The following RAB27A variants were observed in gnomAD, a reference collection of about 807,000 sequenced individuals.
The protein encoded by RAB27A is ras-related protein Rab-27A.
RAB27A carries 17 observed loss-of-function variants against 20.8 expected under a neutral mutation model. The observed-to-expected ratio is 0.82, with a 90% CI of 0.56 to 1.23. The LOEUF is 1.23. RAB27A is among the 50% of genes most tolerant of loss of function. RAB27A has a pLI of 0.00. For missense variants in RAB27A, 277 were observed against 266.7 expected (o/e 1.04, Z -0.27); for synonymous variants, 85 against 92.8 (o/e 0.92, Z 0.48).
intron 2 of RAB27A, among the ~76,000 whole-genome samples, chr15:55,243,610 C>T (rs1485177197): frequency 4.0e-5 from 6 of 150,974 alleles, no homozygotes; most frequent in Non-Finnish European, 8.8e-5. Flanking sequence ...CTGGGCGACA[C>T]AGCGAGACTC....
At chr15:55,207,734 G>C (rs997471556) in intron 6 of RAB27A, among the ~76,000 whole-genome samples, 1 of 152,036 alleles carries the variant, frequency 6.6e-6, no homozygotes, top group African/African-American at 2.4e-5. Flanking sequence ...CCAGGCTGGA[G>C]TGTAATGGTG....
rs1896184180 is a variant in RAB27A, at chr15:55,234,771, A to G, written c.153+11T>C. 5.0e-6 allele frequency: 8 copies of G among 1,604,178 alleles called. No individual in the cohort carries two copies. Among genetic ancestry groups the G allele is most frequent in the African/African-American group, 1.3e-5 (1 of 74,674 alleles). ...CGATTACATTTTTACATAGAAGGAT[A>G]TAGAACTTACCACTCTTTTTTCCCT... On this transcript the variant is annotated intron_variant, in intron 3 of 6. Coordinates refer to ENST00000336787, the MANE Select transcript of RAB27A (RefSeq NM_183235.3).
chr15:55,228,590 G>A lies in RAB27A; in HGVS notation c.343+19C>T. On this transcript the variant is annotated intron_variant, in intron 5 of 6. Coordinates refer to ENST00000336787, the MANE Select transcript of RAB27A (RefSeq NM_183235.3). ...AGAGGGGACTGTGTAGCAGGACACT[G>A]GGGAACAATAACACTTACTTATCCA... The A allele has an allele frequency of 6.5e-7, 1 of 1,532,528 alleles. No individual in the cohort carries two copies. The highest frequency in any genetic ancestry group is 9.0e-7 in the Non-Finnish European group (1 of 1,105,778). 94.9% of individuals were successfully genotyped at this position (1,532,528 alleles called of 1,614,324 possible).
In RAB27A at chr15:55,214,273, A is replaced by C. The variant is rs553808121; in HGVS notation, c.468-8568T>G. Among the ~76,000 whole-genome samples the C allele has an allele frequency of 8.5e-5, 13 of 152,304 alleles. No homozygotes were observed. The East Asian group carries it at 2.5e-3, about 29-fold the overall frequency. The stretch of plus-strand genomic sequence containing the variant: ...AACATGGTGAAACCCCGTCTCTACT[A>C]AAAATACAAAAAATTAGCCAGGCAT... On this transcript the variant is annotated intron_variant, in intron 6 of 6. Transcript: ENST00000336787.
At chr15:55,313,702 C>T (rs575271232) in intron 2 of RAB27A, among the ~76,000 whole-genome samples, 10 of 152,220 alleles carry the variant, frequency 6.6e-5, no homozygotes, top group East Asian at 5.8e-4. Flanking sequence ...GGTGAAACCC[C>T]GTCTCCACTA....
chr15:55,306,760 C>G (rs1292637335), intron 2 of RAB27A, among the ~76,000 whole-genome samples: 4 of 152,162 alleles, frequency 2.6e-5, no homozygotes, highest in Non-Finnish European at 5.9e-5. Context: ...TGGGACGCCG[C>G]ATTCTCCATA....
intron 3 of RAB27A, among the ~76,000 whole-genome samples, chr15:55,233,380 AC>A (rs1410081639): frequency 2.0e-5 from 3 of 152,170 alleles, no homozygotes; most frequent in African/African-American, 7.2e-5. Context: ...AAAACATATA[AC>A]AAAAAAGGGA....
intron 2 of RAB27A, 134 bp from the exon 3 acceptor site, chr15:55,235,090 T>A: frequency 1.4e-6 from 1 of 718,544 alleles, no homozygotes. Context: ...GAAAAGAGAG[T>A]TACATACATA....
chr15:55,313,549 T>C (rs962058606), intron 2 of RAB27A, among the ~76,000 whole-genome samples: 1 of 152,240 alleles, frequency 6.6e-6, no homozygotes, highest in African/African-American at 2.4e-5. Flanking sequence ...TATAGTACTT[T>C]TGTAATTTCT....
intron 3 of RAB27A, among the ~76,000 whole-genome samples, chr15:55,232,903 C>T (rs1896088348): frequency 6.6e-6 from 1 of 152,128 alleles, no homozygotes; most frequent in Non-Finnish European, 1.5e-5. Context: ...ATGGGTGGAT[C>T]ACTTGAGGCC....
At position 55,228,125 on chromosome 15, in the gene RAB27A, A is replaced by G. The variant is rs115742745; in HGVS notation, c.343+484T>C. Among the ~76,000 whole-genome samples the G allele has an allele frequency of 7.2e-3, 1,104 of 152,288 alleles. 14 individuals are homozygous for G. The highest frequency in any genetic ancestry group is 0.025 in the African/African-American group (1,051 of 41,546). ...TCCTCCTGAAAGATGCTCTAACCCTAAAAGCTAGAAGGGGACTCTAAGCAC... is the reference window on the plus strand; with the variant it reads ...TCCTCCTGAAAGATGCTCTAACCCTGAAAGCTAGAAGGGGACTCTAAGCAC... On this transcript the variant is annotated intron_variant, in intron 5 of 6. Coordinates refer to ENST00000336787, the MANE Select transcript of RAB27A (RefSeq NM_183235.3).
At chr15:55,255,944 TG>T in intron 2 of RAB27A, among the ~76,000 whole-genome samples, 1 of 152,320 alleles carries the variant, frequency 6.6e-6, no homozygotes, top group East Asian at 1.9e-4. Flanking sequence ...CTATGTGTCC[TG>T]TGGTGAGCCA....
chr15:55,247,934 C>A (rs1247618698), intron 2 of RAB27A, among the ~76,000 whole-genome samples: 3 of 147,834 alleles, frequency 2.0e-5, no homozygotes, highest in African/African-American at 7.7e-5. Flanking sequence ...TCCTCACTAA[C>A]CACTTTTTTT....
intron 2 of RAB27A, among the ~76,000 whole-genome samples, chr15:55,254,457 C>T (rs1897009491): frequency 6.6e-6 from 1 of 151,926 alleles, no homozygotes; most frequent in Admixed American, 6.6e-5. Flanking sequence ...GAATCTACAG[C>T]ATACAACATG....
intron 6 of RAB27A, among the ~76,000 whole-genome samples, chr15:55,209,813 CATGTGTGTATATATACAT>C (rs1894847501): frequency 9.2e-6 from 1 of 108,246 alleles, no homozygotes; most frequent in Admixed American, 7.9e-5. Flanking sequence ...TATATACACA[CATGTGTGTATATATACAT>C]ATATGTGTGT....
chr15:55,218,997 C>T (rs952563911), intron 6 of RAB27A, among the ~76,000 whole-genome samples: 2 of 152,036 alleles, frequency 1.3e-5, no homozygotes, highest in South Asian at 2.1e-4. Flanking sequence ...CCACCTCAAC[C>T]TCCCAAAGTG....
At chr15:55,303,781 G>A (rs1410346531) in intron 2 of RAB27A, among the ~76,000 whole-genome samples, 1 of 132,844 alleles carries the variant, frequency 7.5e-6, no homozygotes, top group African/African-American at 3.0e-5. Flanking sequence ...CCGTCCGGGA[G>A]GGAGGTGGGG....
intron 2 of RAB27A, among the ~76,000 whole-genome samples, chr15:55,269,107 A>G (rs569675914): frequency 4.7e-4 from 72 of 152,332 alleles, no homozygotes; most frequent in Non-Finnish European, 8.8e-4. Flanking sequence ...TGACATCTTG[A>G]TCTTAGACTT....
At chr15:55,253,434 G>A (rs9920650) in intron 2 of RAB27A, among the ~76,000 whole-genome samples, 9,659 of 148,930 alleles carry the variant, frequency 0.065, 1,040 homozygotes, top group African/African-American at 0.22. Context: ...GTGACAGAGC[G>A]AGACTCCGTC....
Sources: allele counts gnomAD v4.1 joint callset (sites outside exome capture counted in the v4.1 genomes callset), GRCh38; gene constraint gnomAD v4.1.1; transcripts MANE v1.5; gene names NCBI Gene and HGNC (gene_info 2026-07-23, HGNC 2026-07-21).